Variants in RINL observed in about 807,000 individuals in gnomAD.
RINL encodes Ras and Rab interactor like, also known as ras and Rab interactor-like protein.
A neutral mutation model predicts 58.1 loss-of-function variants in RINL; 39 were observed. That is an observed-to-expected ratio of 0.67 (90% confidence interval 0.52 to 0.88). The LOEUF is 0.88. Among genes scored for constraint, RINL ranks in the 40% least tolerant of loss-of-function variants. RINL has a pLI of 0.00. For missense variants in RINL, 711 were observed against 749.2 expected (o/e 0.95, Z 0.60); for synonymous variants, 286 against 323.1 (o/e 0.89, Z 1.23).
Position 38,875,214 on chromosome 19 carries a change from C to CTT in RINL, c.210+1115_210+1116dup, listed in dbSNP as rs968872594. 1.5e-4 allele frequency among the ~76,000 whole-genome samples: 19 copies of CTT among 129,312 alleles called. No homozygotes were observed. The East Asian group carries it at 2.7e-3, about 19-fold the overall frequency. The allele number at this position is 129,312 out of a possible 152,430, so 84.8% of individuals were successfully genotyped here. ...CCCCATCCTTTTTTTTTTCTTTTTT[C>CTT]TTTTTTTTTTTTTTTTAATAGAGAC... On this transcript the variant is annotated intron_variant, in intron 3 of 11. Coordinates refer to ENST00000591812, the MANE Select transcript of RINL (RefSeq NM_001195833.2).
intron 3 of RINL, 131 bp downstream of exon 3, chr19:38,876,200 C>T: frequency 3.6e-6 from 3 of 840,364 alleles, no homozygotes; most frequent in Middle Eastern, 2.3e-4. Context: ...GCTAGGACTG[C>T]AGGCATGAGC....
Position 38,876,059 on chromosome 19 carries a change from A to ATTTTT in RINL, c.210+267_210+271dup, listed in dbSNP as rs5828019. Among the ~76,000 whole-genome samples, 227 of 138,578 alleles carry ATTTTT rather than the reference A, an allele frequency of 1.6e-3. 1 individual carries two copies. The highest frequency in any genetic ancestry group is 5.7e-3 in the African/African-American group (212 of 37,090). The allele number at this position is 138,578 out of a possible 152,430, so 90.9% of individuals were successfully genotyped here. A position where few individuals can be genotyped will look rare whatever the true frequency, so the allele number is the denominator to read the frequency against. On this transcript the variant is annotated intron_variant, in intron 3 of 11. Transcript: ENST00000591812. ...AGGATCCAGAGCTTCTTGAAATTAC[A>ATTTTT]TTTTTTTTTTTTTTTTTTTAGACAG...
In RINL at chr19:38,869,741, C is replaced by G. The variant is rs776270293; in HGVS notation, c.1343-37G>C. 3.1e-6 allele frequency: 5 copies of G among 1,612,300 alleles called. No homozygotes were observed. In the Admixed American group the frequency reaches 8.4e-5, roughly 27 times the overall value. On this transcript the variant is annotated intron_variant, in intron 9 of 11. Transcript: ENST00000591812. This position sits in a 1 kb window ranked among gnomAD's most constrained non-coding sequence, Gnocchi z 5.7. ...AGAGGAAAGGTCTTGAGATGGATCC[C>G]CATCTCAAGGCGCGTAGACACCTTC...
At chr19:38,872,144 T>C (rs1972828680) in intron 4 of RINL, among the ~76,000 whole-genome samples, 1 of 152,170 alleles carries the variant, frequency 6.6e-6, no homozygotes, top group African/African-American at 2.4e-5. Context: ...ACTGCCTTCC[T>C]GTAGCTTACC....
chr19:38,870,435 G>A lies in RINL; in HGVS notation c.1024+135C>T, dbSNP rs988082302. 4.5e-6 allele frequency: 5 copies of A among 1,109,998 alleles called. No homozygotes were observed. In the African/African-American group the frequency reaches 6.3e-5, roughly 14 times the overall value. 68.8% of individuals were successfully genotyped at this position (1,109,998 alleles called of 1,614,324 possible). A position where few individuals can be genotyped will look rare whatever the true frequency, so the allele number is the denominator to read the frequency against. ...AGTTAGCCTGGGTGTGAACTTGCGC[G>A]CATACGTGGGCGATAGAACGCGTGG... On this transcript the variant is annotated intron_variant, in intron 8 of 11. Transcript: ENST00000591812. The surrounding 1 kb of genome is among the most constrained non-coding windows in gnomAD (Gnocchi z 5.8).
Position 38,870,297 on chromosome 19 carries a change from C to A in RINL, c.1025-37G>T. 7.3e-7 allele frequency: 1 copy of A among 1,361,064 alleles called. No individual in the cohort carries two copies. The allele number at this position is 1,361,064 out of a possible 1,614,324, so 84.3% of individuals were successfully genotyped here. A position where few individuals can be genotyped will look rare whatever the true frequency, so the allele number is the denominator to read the frequency against. On this transcript the variant is annotated intron_variant, in intron 8 of 11. Coordinates refer to ENST00000591812, the MANE Select transcript of RINL (RefSeq NM_001195833.2). This position sits in a 1 kb window ranked among gnomAD's most constrained non-coding sequence, Gnocchi z 5.8. ...GGGGGACGGGTGAGCACAGGACCGCCAAGTTGTCCCACGCCCACCCACGCG... is the reference window on the plus strand; with the variant it reads ...GGGGGACGGGTGAGCACAGGACCGCAAAGTTGTCCCACGCCCACCCACGCG...
At chr19:38,877,952 T>C (rs566648944) in intron 1 of RINL, among the ~76,000 whole-genome samples, 1 of 152,276 alleles carries the variant, frequency 6.6e-6, no homozygotes, top group East Asian at 1.9e-4. Context: ...ATATGGATAA[T>C]AGGCAGCTAA....
chr19:38,869,450 TCC>T lies in RINL; in HGVS notation c.1475-42_1475-41del. On this transcript the variant is annotated intron_variant, in intron 10 of 11. Transcript: ENST00000591812. The surrounding 1 kb of genome is among the most constrained non-coding windows in gnomAD (Gnocchi z 5.7). Reference sequence around the variant, plus strand: ...GGAAGTCAGCTCCGCCCTCTCGGCTTCCCTGGTCGCCCCAAATCCCCCTGCAG... The same window carrying T: ...GGAAGTCAGCTCCGCCCTCTCGGCTTCTGGTCGCCCCAAATCCCCCTGCAG... The T allele has an allele frequency of 6.3e-7, 1 of 1,574,988 alleles. No homozygotes were observed. The highest frequency in any genetic ancestry group is 2.3e-5 in the East Asian group (1 of 44,434).
At chr19:38,872,306 C>T (rs1600092890) in intron 4 of RINL, among the ~76,000 whole-genome samples, 2 of 150,770 alleles carry the variant, frequency 1.3e-5, no homozygotes, top group South Asian at 2.1e-4. Context: ...GCCAACATGG[C>T]GAAACCCCAT....
Position 38,870,349 on chromosome 19 carries a change from C to A in RINL, c.1025-89G>T. The A allele has an allele frequency of 9.0e-7, 1 of 1,106,250 alleles. No homozygotes were observed. Among genetic ancestry groups the A allele is most frequent in the Non-Finnish European group, 1.2e-6 (1 of 819,046 alleles). 68.5% of individuals were successfully genotyped at this position (1,106,250 alleles called of 1,614,324 possible). A position where few individuals can be genotyped will look rare whatever the true frequency, so the allele number is the denominator to read the frequency against. ...TCCAACAACCCACCCTGGCCCACAG[C>A]CACCCCTGCCTAGCTCTGGTCCCCC... On this transcript the variant is annotated intron_variant, in intron 8 of 11. Coordinates refer to ENST00000591812, the MANE Select transcript of RINL (RefSeq NM_001195833.2). This position sits in a 1 kb window ranked among gnomAD's most constrained non-coding sequence, Gnocchi z 5.8.
rs1351035078 is a variant in RINL, at chr19:38,869,404, T to C, written c.1481A>G (p.Tyr494Cys). The change falls in exon 11 of 12, where the codon TAC becomes TGC. Residue 494 changes from tyrosine (Y) to cysteine (C), a missense_variant. Physicochemically the swap from Tyr to Cys is radical, Grantham distance 194. Coordinates refer to ENST00000591812, the MANE Select transcript of RINL (RefSeq NM_001195833.2). This position sits in a 1 kb window ranked among gnomAD's most constrained non-coding sequence, Gnocchi z 5.7. ...CGCCCCAAACCACGTGGTCAGGTAG[T>C]ACCCAGCTGGGGACAGAAAGGGAAG... ...DPDELRGEAG[Y>C]YLTTWFGALH... The C allele has an allele frequency of 6.3e-7, 1 of 1,599,526 alleles. No homozygotes were observed. The highest frequency in any genetic ancestry group is 8.5e-7 in the Non-Finnish European group (1 of 1,170,384).
rs1972721787 is a variant in RINL at position 38,868,518 on chromosome 19, C to G, written c.*586G>C. ...GCACGGTGGTAGGTGCCTGTAGTCT[C>G]AGCTACTTGGTAGGCAGAGGCAGGG... On this transcript the variant is annotated 3_prime_UTR_variant, in exon 12 of 12. Coordinates refer to ENST00000591812, the MANE Select transcript of RINL (RefSeq NM_001195833.2). 6.6e-6 allele frequency: 1 copy of G among 151,922 alleles called. No homozygotes were observed. The highest frequency in any genetic ancestry group is 1.5e-5 in the Non-Finnish European group (1 of 68,010). 9.4% of individuals were successfully genotyped at this position (151,922 alleles called of 1,614,324 possible). A position where few individuals can be genotyped will look rare whatever the true frequency, so the allele number is the denominator to read the frequency against.
At chr19:38,875,298 A>G (rs1187104530) in intron 3 of RINL, among the ~76,000 whole-genome samples, 1 of 138,654 alleles carries the variant, frequency 7.2e-6, no homozygotes, top group African/African-American at 2.8e-5. Flanking sequence ...CGAGCCTCCT[A>G]CCTCAGCCTC....
In RINL at chr19:38,876,775, C is replaced by T; in HGVS notation, c.-33G>A. 1 of 1,527,334 alleles carries T rather than the reference C, an allele frequency of 6.5e-7. No individual in the cohort carries two copies. The highest frequency in any genetic ancestry group is 8.8e-7 in the Non-Finnish European group (1 of 1,138,940). 94.6% of individuals were successfully genotyped at this position (1,527,334 alleles called of 1,614,324 possible). On this transcript the variant is annotated 5_prime_UTR_variant, in exon 2 of 12. Coordinates refer to ENST00000591812, the MANE Select transcript of RINL (RefSeq NM_001195833.2). ...TTGCAGGAAGCCAGTGAGTCATGAC[C>T]TGGCCTCTGGCAGGGAGAAAGGTAA...
At chr19:38,873,772 C>T (rs999326615) in intron 4 of RINL, 114 bp downstream of exon 4, 47 of 641,702 alleles carry the variant, frequency 7.3e-5, no homozygotes, top group African/African-American at 5.4e-4. Context: ...GCGATCCACC[C>T]GCCTCGACCT....
chr19:38,870,662 G>T lies in RINL; in HGVS notation c.932C>A (p.Thr311Asn), dbSNP rs149104673. ...ELLQDVRHLL[T>N]DLQDHLAKDS... ...CTTTGCCAGGTGATCCTGGAGGTCAGTAAGGAGGTGCCGCACATCCTGAAG... is the reference window on the plus strand; with the variant it reads ...CTTTGCCAGGTGATCCTGGAGGTCATTAAGGAGGTGCCGCACATCCTGAAG... The change falls in exon 8 of 12, where the codon ACT becomes AAT. Residue 311 changes from threonine to asparagine, a missense_variant. By Grantham distance (65) the Thr-to-Asn change is moderately conservative. Coordinates refer to ENST00000591812, the MANE Select transcript of RINL (RefSeq NM_001195833.2). The surrounding 1 kb of genome is among the most constrained non-coding windows in gnomAD (Gnocchi z 5.8). 1 of 1,613,744 alleles carries T rather than the reference G, an allele frequency of 6.2e-7. No homozygotes were observed. The highest frequency in any genetic ancestry group is 8.5e-7 in the Non-Finnish European group (1 of 1,179,866).
rs373500687 is a variant in RINL at position 38,876,098 on chromosome 19, C to G, written c.210+233G>C. ...TTTTTTAGACAGGGTCTTGCTCCAT[C>G]ACCCAGGCTCAAGTGAAGTGGCATG... On this transcript the variant is annotated intron_variant, in intron 3 of 11. Transcript: ENST00000591812. 2.7e-4 allele frequency among the ~76,000 whole-genome samples: 41 copies of G among 149,232 alleles called. No homozygotes were observed. In the South Asian group the frequency reaches 4.0e-3, roughly 15 times the overall value.
At position 38,870,561 on chromosome 19, in the gene RINL, T is replaced by G. The variant is rs1207652132; in HGVS notation, c.1024+9A>C. 3 of 1,546,072 alleles carry G rather than the reference T, an allele frequency of 1.9e-6. No homozygotes were observed. On this transcript the variant is annotated intron_variant, in intron 8 of 11. Transcript: ENST00000591812. This position sits in a 1 kb window ranked among gnomAD's most constrained non-coding sequence, Gnocchi z 5.8. Reference sequence around the variant, plus strand: ...ACCCGTGGGGGCTCCCTTCCAGTCCTCCCATTACCTGGATCCTCGTCCTTC... The same window carrying G: ...ACCCGTGGGGGCTCCCTTCCAGTCCGCCCATTACCTGGATCCTCGTCCTTC...
intron 1 of RINL, among the ~76,000 whole-genome samples, chr19:38,877,278 T>C (rs545126127): frequency 5.5e-4 from 83 of 152,174 alleles, no homozygotes; most frequent in Non-Finnish European, 1.0e-3. Context: ...GAGAGGCCAG[T>C]GTGTCTTGCG....
Sources: gnomAD v4.1 joint callset for allele counts (sites outside exome capture counted in the v4.1 genomes callset) on GRCh38, gnomAD v4.1.1 for gene constraint, Gnocchi (gnomAD v3.1) non-coding constraint, MANE v1.5 for transcripts, NCBI Gene and HGNC (gene_info 2026-07-23, HGNC 2026-07-21) for gene names.